The following EXOC6 variants were observed in gnomAD, a reference collection of about 807,000 sequenced individuals.
EXOC6 encodes SEC15-like 1.
EXOC6 carries 60 observed loss-of-function variants against 112.5 expected under a neutral mutation model. That is an observed-to-expected ratio of 0.53 (90% CI 0.43 to 0.66). The LOEUF is 0.66. EXOC6 is among the 30% of genes least tolerant of loss of function. The pLI, the probability that EXOC6 is intolerant of heterozygous loss-of-function variation, is 0.00. For missense variants in EXOC6, 855 were observed against 957.1 expected (o/e 0.89, Z 1.41); for synonymous variants, 295 against 308.0 (o/e 0.96, Z 0.44).
At chr10:92,860,874 G>A (rs1290339573) in intron 1 of EXOC6, among the ~76,000 whole-genome samples, 1 of 152,044 alleles carries the variant, frequency 6.6e-6, no homozygotes, top group Non-Finnish European at 1.5e-5. Flanking sequence ...CATTTGTGTT[G>A]CGTCCTCCTT....
chr10:92,887,419 C>T (rs1465799273), intron 1 of EXOC6, among the ~76,000 whole-genome samples: 3 of 99,308 alleles, frequency 3.0e-5, no homozygotes, highest in East Asian at 2.9e-4. Context: ...TTTTTGGAGA[C>T]GGAGTTTCGT....
At chr10:92,854,192 C>G (rs559795530) in intron 1 of EXOC6, among the ~76,000 whole-genome samples, 5 of 152,160 alleles carry the variant, frequency 3.3e-5, no homozygotes, top group Admixed American at 2.0e-4. Context: ...GTAATCCCAA[C>G]ACTTTGGGAG....
intron 19 of EXOC6, among the ~76,000 whole-genome samples, chr10:92,998,666 T>A (rs1290157740): frequency 5.3e-5 from 5 of 95,126 alleles, no homozygotes; most frequent in African/African-American, 1.1e-4. Context: ...ACACACACAC[T>A]CCAAAGTTTC....
chr10:92,827,691 G>C (rs535159531), intron 1 of EXOC6, among the ~76,000 whole-genome samples: 4 of 152,158 alleles, frequency 2.6e-5, no homozygotes, highest in African/African-American at 7.2e-5. Context: ...GACCCTTAAA[G>C]CCAGAAGATC....
chr10:92,858,864 C>G (rs1847756584), intron 1 of EXOC6, among the ~76,000 whole-genome samples: 1 of 152,162 alleles, frequency 6.6e-6, no homozygotes, highest in Non-Finnish European at 1.5e-5. Context: ...TGCCCAGGTT[C>G]AAGCAATTCT....
At chr10:92,967,422 A>G (rs1842114551) in intron 17 of EXOC6, among the ~76,000 whole-genome samples, 1 of 152,104 alleles carries the variant, frequency 6.6e-6, no homozygotes, top group Admixed American at 6.5e-5. Flanking sequence ...TTAATATTTC[A>G]ATTGTCCCAT....
chr10:92,940,670 T>C (rs1049627656), intron 12 of EXOC6, 57 bp from the exon 13 acceptor site: 63 of 1,175,162 alleles, frequency 5.4e-5, no homozygotes, highest in Non-Finnish European at 7.6e-5. Flanking sequence ...TCCCAACATT[T>C]TTAATGAATA....
At chr10:92,978,204 G>A (rs754284310) in intron 18 of EXOC6, among the ~76,000 whole-genome samples, 1 of 152,170 alleles carries the variant, frequency 6.6e-6, no homozygotes, top group Non-Finnish European at 1.5e-5. Context: ...GAGCCTAGGA[G>A]TTCGAGACTA....
intron 13 of EXOC6, among the ~76,000 whole-genome samples, chr10:92,943,143 C>T (rs1239008109): frequency 1.3e-5 from 2 of 151,826 alleles, no homozygotes; most frequent in African/African-American, 4.8e-5. Flanking sequence ...CTCAGCCTCC[C>T]TAGTAGCTGG....
chr10:92,874,293 T>A (rs1206008643), intron 1 of EXOC6, among the ~76,000 whole-genome samples: 2 of 151,978 alleles, frequency 1.3e-5, no homozygotes, highest in Non-Finnish European at 2.9e-5. Context: ...ATATGGCATA[T>A]CATCATCATC....
At position 92,979,285 on chromosome 10, in the gene EXOC6, G is replaced by T. The variant is rs905796516; in HGVS notation, c.1953+5053G>T. Among the ~76,000 whole-genome samples, 4 of 152,078 alleles carry T rather than the reference G, an allele frequency of 2.6e-5. No individual in the cohort carries two copies. The East Asian group carries it at 7.7e-4, about 29-fold the overall frequency. ...AGCGATTCTCCTCCCTCAGCCTCCC[G>T]AGTAGCTGGGACTACAGGTGCAGGC... On this transcript the variant is annotated intron_variant, in intron 18 of 21. Coordinates refer to ENST00000260762, the MANE Select transcript of EXOC6 (RefSeq NM_019053.6).
intron 9 of EXOC6, among the ~76,000 whole-genome samples, chr10:92,929,189 C>T (rs562012800): frequency 5.0e-4 from 76 of 152,296 alleles, no homozygotes; most frequent in African/African-American, 1.8e-3. Flanking sequence ...AGAGATAAAA[C>T]CATCTAAAAA....
chr10:92,861,785 T>G (rs1222247363), intron 1 of EXOC6, among the ~76,000 whole-genome samples: 1 of 152,228 alleles, frequency 6.6e-6, no homozygotes, highest in Non-Finnish European at 1.5e-5. Flanking sequence ...TGTTTCTTCT[T>G]TTCCTGTATG....
rs1007931174 is a variant in EXOC6 at position 92,990,108 on chromosome 10, A to T, written c.1954-7366A>T. 2.0e-5 allele frequency among the ~76,000 whole-genome samples: 3 copies of T among 152,112 alleles called. No homozygotes were observed. The South Asian group carries it at 6.2e-4, about 32-fold the overall frequency. On this transcript the variant is annotated intron_variant, in intron 18 of 21. Coordinates refer to ENST00000260762, the MANE Select transcript of EXOC6 (RefSeq NM_019053.6). Reference sequence around the variant, plus strand: ...AAAAATTTGGAAATAGTCAAGGTCCACTCTTTGAAATAGAATTTTTTTCTT... The same window carrying T: ...AAAAATTTGGAAATAGTCAAGGTCCTCTCTTTGAAATAGAATTTTTTTCTT...
intron 1 of EXOC6, among the ~76,000 whole-genome samples, chr10:92,875,592 C>T (rs1355121868): frequency 6.6e-6 from 1 of 152,056 alleles, no homozygotes; most frequent in East Asian, 1.9e-4. Flanking sequence ...CTTAGTAAAT[C>T]ATTTTGGACT....
intron 12 of EXOC6, 133 bp from the exon 13 acceptor site, chr10:92,940,594 T>C: frequency 1.6e-6 from 1 of 614,704 alleles, no homozygotes; most frequent in Non-Finnish European, 2.8e-6. Context: ...ATGTATCTTT[T>C]TTTTCTTACT....
At chr10:92,888,016 G>A (rs575243667) in intron 1 of EXOC6, among the ~76,000 whole-genome samples, 19 of 152,274 alleles carry the variant, frequency 1.2e-4, no homozygotes, top group African/African-American at 4.6e-4. Flanking sequence ...ATAGCAAATG[G>A]TTATCTAGGG....
chr10:92,964,756 TAG>T (rs2134053184), intron 17 of EXOC6, among the ~76,000 whole-genome samples: 1 of 152,328 alleles, frequency 6.6e-6, no homozygotes, highest in Non-Finnish European at 1.5e-5. Flanking sequence ...TGTCCAAAGA[TAG>T]GGCACTGCTG....
chr10:93,013,468 C>T (rs960458730), intron 19 of EXOC6, among the ~76,000 whole-genome samples: 4 of 151,724 alleles, frequency 2.6e-5, no homozygotes, highest in African/African-American at 4.8e-5. Flanking sequence ...ATTAGCCGGC[C>T]GTGGCGGCAT....
Sources: allele counts gnomAD v4.1 joint callset (sites outside exome capture counted in the v4.1 genomes callset), GRCh38; gene constraint gnomAD v4.1.1; transcripts MANE v1.5; gene names NCBI Gene and HGNC (gene_info 2026-07-23, HGNC 2026-07-21).